ZAN: variants seen among roughly 807,000 people sequenced by gnomAD.
ZAN encodes zonadhesin, also known as zonadhesin (gene/pseudogene).
ZAN carries 260 observed loss-of-function variants against 286.2 expected under a neutral mutation model. That is an observed-to-expected ratio of 0.91 (90% CI 0.82 to 1.01). ZAN has a LOEUF of 1.01. Among genes scored for constraint, ZAN ranks in the 50% least tolerant of loss-of-function variants. The probability of loss-of-function intolerance (pLI) is 0.00; values close to 1 mark genes in which losing one functional copy is unlikely to be tolerated. For missense variants in ZAN, 3,410 were observed against 3,639.2 expected (o/e 0.94, Z 1.62); for synonymous variants, 1,368 against 1,417.5 (o/e 0.97, Z 0.79).
At position 100,776,484 on chromosome 7, in the gene ZAN, A is replaced by C. The variant is rs764839341; in HGVS notation, c.6237A>C (p.Glu2079Asp). 6.2e-7 allele frequency: 1 copy of C among 1,601,290 alleles called. No individual in the cohort carries two copies. Among genetic ancestry groups the C allele is most frequent in the Non-Finnish European group, 8.5e-7 (1 of 1,173,936 alleles). The change falls in exon 34 of 48, where the codon GAA (glutamate) becomes GAC (aspartate). Residue 2079 changes from glutamate to aspartate, a missense_variant. By Grantham distance (45) the Glu-to-Asp change is conservative. Coordinates refer to ENST00000613979, the MANE Select transcript of ZAN (RefSeq NM_003386.3). ...ACTTCAATGATGAGGAAGAGGACGA[A>C]CTAATGATGCCCAGCGATGAAGTAG... is the stretch of plus-strand genomic sequence containing the variant. Reference protein sequence around the residue: ...CGNFNDEEEDELMMPSDEVAN... With the variant: ...CGNFNDEEEDDLMMPSDEVAN...
chr7:100,738,869 CTT>C (rs1213576933), intron 7 of ZAN, among the ~76,000 whole-genome samples: 2 of 22,564 alleles, frequency 8.9e-5, no homozygotes, highest in Non-Finnish European at 1.9e-4. Context: ...TCTTCCTCTT[CTT>C]CTTCTCCCTC....
chr7:100,758,631 GCCCTGT>G lies in ZAN; in HGVS notation c.3553_3558del (p.Pro1185_Cys1186del). On this transcript the variant is annotated inframe_deletion, in exon 17 of 48. Transcript: ENST00000613979. ...GCAAGTGCACTTACATCTTGGCCCA[GCCCTGT>G]GGCAACTCAACAGGTAGGCCCTGGA... 1 of 1,556,520 alleles carries G rather than the reference GCCCTGT, an allele frequency of 6.4e-7. No homozygotes were observed. Among genetic ancestry groups the G allele is most frequent in the Non-Finnish European group, 8.7e-7 (1 of 1,149,952 alleles).
intron 40 of ZAN, 111 bp from the exon 41 acceptor site, chr7:100,791,855 G>C: frequency 1.2e-5 from 16 of 1,316,668 alleles, no homozygotes; most frequent in Non-Finnish European, 1.6e-5. Context: ...AGCCTCCCGG[G>C]TAGCTGGGAC....
At position 100,762,967 on chromosome 7, in the gene ZAN, C is replaced by T. The variant is rs1330099659; in HGVS notation, c.3986+609C>T. ...GGTTGACCAGGCTGCTGGCCCTCCCCAACGGTTTTTTTTTTTTTTTTTGAG... is the reference window on the plus strand; with the variant it reads ...GGTTGACCAGGCTGCTGGCCCTCCCTAACGGTTTTTTTTTTTTTTTTTGAG... On this transcript the variant is annotated intron_variant, in intron 20 of 47. Transcript: ENST00000613979. Among the ~76,000 whole-genome samples the T allele has an allele frequency of 2.7e-5, 4 of 148,476 alleles. No individual in the cohort carries two copies. In the East Asian group the frequency reaches 8.2e-4, roughly 30 times the overall value.
rs992758578 is a variant in ZAN at position 100,792,440 on chromosome 7, C to A, written c.7748C>A (p.Pro2583Gln). ...CVLDLCSAQD[P>Q]REQEELRCQV... is the part of the protein sequence containing the mutation. ...CTGGATCTGTGCTCTGCTCAGGACC[C>A]AAGAGAGCAAGAGGAGCTGCGTTGC... The change falls in exon 42 of 48, where the codon CCA (proline) becomes CAA (glutamine). Residue 2583 changes from proline (P) to glutamine (Q), a missense_variant. Physicochemically the swap from Pro to Gln is moderately conservative, Grantham distance 76. Coordinates refer to ENST00000613979, the MANE Select transcript of ZAN (RefSeq NM_003386.3). 1.9e-6 allele frequency: 3 copies of A among 1,613,794 alleles called. No homozygotes were observed. The highest frequency in any genetic ancestry group is 2.5e-6 in the Non-Finnish European group (3 of 1,179,846).
rs1808680030 is a variant in ZAN at position 100,751,757 on chromosome 7, C to T, written c.1652C>T (p.Thr551Ile). The T allele has an allele frequency of 6.2e-7, 1 of 1,601,166 alleles. No individual in the cohort carries two copies. Among genetic ancestry groups the T allele is most frequent in the East Asian group, 2.2e-5 (1 of 44,824 alleles). ...CCTCCCGTATCTCCAGTTTCTTCCA[C>T]TGGCCCTTCTGAAACCACTGGCCTC... ...ELPPVSPVSS[T>I]GPSETTGLTE... The change falls in exon 14 of 48, where the codon ACT (threonine) becomes ATT (isoleucine). Residue 551 changes from threonine to isoleucine, a missense_variant. Thr to Ile is a moderately conservative substitution (Grantham distance 89). This residue lies in a region of ZAN where 872 missense variants were observed against 938.9 expected (regional missense o/e 0.93). Coordinates refer to ENST00000613979, the MANE Select transcript of ZAN (RefSeq NM_003386.3).
At chr7:100,758,797 T>G in intron 17 of ZAN, 147 bp downstream of exon 17, 1 of 1,339,896 alleles carries the variant, frequency 7.5e-7, no homozygotes, top group South Asian at 1.4e-5. Flanking sequence ...AGGTGAGGGT[T>G]GAAGGCCAGG....
intron 28 of ZAN, 137 bp from the exon 29 acceptor site, chr7:100,771,707 C>T: frequency 2.2e-6 from 2 of 892,762 alleles, no homozygotes; most frequent in Admixed American, 2.7e-5. Context: ...GCTGGGATTA[C>T]AGGTGTGAGC....
In ZAN at chr7:100,759,851, C is replaced by T; in HGVS notation, c.3696+6C>T. Reference sequence around the variant, plus strand: ...TTAAGGGCAGACGCACTCTGGTGAGCCCCATTCCACCCCCACCATCCTTGC... The same window carrying T: ...TTAAGGGCAGACGCACTCTGGTGAGTCCCATTCCACCCCCACCATCCTTGC... On this transcript the variant is annotated splice_donor_region_variant and intron_variant, in intron 18 of 47. Coordinates refer to ENST00000613979, the MANE Select transcript of ZAN (RefSeq NM_003386.3). 1 of 1,611,192 alleles carries T rather than the reference C, an allele frequency of 6.2e-7. No individual in the cohort carries two copies. Among genetic ancestry groups the T allele is most frequent in the Non-Finnish European group, 8.5e-7 (1 of 1,178,706 alleles).
At chr7:100,795,537 A>T (rs1812307554) in intron 45 of ZAN, among the ~76,000 whole-genome samples, 1 of 149,542 alleles carries the variant, frequency 6.7e-6, no homozygotes. Context: ...TTAATTATCT[A>T]TTTATATATT....
At chr7:100,768,824 C>A in intron 27 of ZAN, 103 bp downstream of exon 27, 1 of 892,694 alleles carries the variant, frequency 1.1e-6, no homozygotes, top group Non-Finnish European at 1.7e-6. Context: ...TCCCTCTGTG[C>A]TGTACCTCCC....
intron 7 of ZAN, among the ~76,000 whole-genome samples, chr7:100,738,978 TCCCTCTCCCTCTCC>T (rs1319893804): frequency 4.4e-5 from 2 of 44,962 alleles, no homozygotes; most frequent in East Asian, 1.2e-3. Context: ...CCTCTCCCTC[TCCCTCTCCCTCTCC>T]TTCTCCTTCT....
intron 15 of ZAN, among the ~76,000 whole-genome samples, chr7:100,756,855 G>A (rs1809184235): frequency 1.3e-5 from 2 of 152,086 alleles, no homozygotes; most frequent in East Asian, 1.9e-4. Flanking sequence ...TGCAACCTCC[G>A]CTTCCCAGGT....
intron 15 of ZAN, among the ~76,000 whole-genome samples, chr7:100,757,110 T>G (rs1809202360): frequency 6.6e-6 from 1 of 152,070 alleles, no homozygotes. Context: ...CAACAAATGT[T>G]TATTTAGTAC....
chr7:100,776,326 G>T (rs199614623), intron 33 of ZAN, 114 bp from the exon 34 acceptor site: 4 of 584,460 alleles, frequency 6.8e-6, no homozygotes, highest in Middle Eastern at 4.1e-4. Context: ...GGAAGGGAGG[G>T]AGGGAGGGAG....
At chr7:100,783,232 C>A (rs1046029399) in intron 35 of ZAN, among the ~76,000 whole-genome samples, 2 of 152,068 alleles carry the variant, frequency 1.3e-5, no homozygotes, top group Admixed American at 6.6e-5. Flanking sequence ...TGTGCCATTG[C>A]ACTCCAGCCA....
rs1811444442 is a variant in ZAN, at chr7:100,784,696, T to C, written c.6696T>C (p.Asp2232=). 14 of 1,613,806 alleles carry C rather than the reference T, an allele frequency of 8.7e-6. No individual in the cohort carries two copies. Among genetic ancestry groups the C allele is most frequent in the Non-Finnish European group, 1.1e-5 (13 of 1,179,886 alleles). Residue 2232 remains aspartate, a synonymous_variant, in exon 36 of 48, where the codon GAT becomes GAC. Coordinates refer to ENST00000613979, the MANE Select transcript of ZAN (RefSeq NM_003386.3). Reference sequence around the variant, plus strand: ...GCTCACCCTCCTGCTGGGACCTGGATGGCCGGTGTGAGGGCGCCAAAGTCC... The same window carrying C: ...GCTCACCCTCCTGCTGGGACCTGGACGGCCGGTGTGAGGGCGCCAAAGTCC... ...PSCSPSCWDL[D]GRCEGAKVPS... is the part of the protein sequence containing the mutation.
intron 14 of ZAN, 31 bp from the exon 15 acceptor site, chr7:100,755,195 G>A: frequency 6.3e-7 from 1 of 1,584,010 alleles, no homozygotes; most frequent in Non-Finnish European, 8.6e-7. Context: ...GCCATGGAAT[G>A]AAAGCATGAC....
At position 100,794,063 on chromosome 7, in the gene ZAN, G is replaced by C. The variant is rs373458493; in HGVS notation, c.7986+45G>C. The stretch of plus-strand genomic sequence containing the variant: ...GGCCCTGGGGAGCAGAGGCGCCAAG[G>C]AGAGCCAGACCAGGGATGGAACTGG... On this transcript the variant is annotated intron_variant, in intron 43 of 47. Transcript: ENST00000613979. The C allele has an allele frequency of 2.7e-4, 438 of 1,613,164 alleles. 2 individuals carry two copies. The African/African-American group carries it at 5.2e-3, about 19-fold the overall frequency.
Sources: gnomAD v4.1 joint callset for allele counts (sites outside exome capture counted in the v4.1 genomes callset) on GRCh38, gnomAD v4.1.1 for gene constraint, gnomAD v4.1.1 regional missense constraint, MANE v1.5 for transcripts, NCBI Gene and HGNC (gene_info 2026-07-23, HGNC 2026-07-21) for gene names.